Variants in ESR1 observed in about 807,000 individuals in gnomAD.
The protein encoded by ESR1 is estrogen receptor.
Under a neutral mutation model 52.7 loss-of-function variants are expected in ESR1, and 12 were observed. The ratio of observed to expected loss-of-function variants is 0.23; its 90% CI spans 0.15 to 0.37. ESR1 has a LOEUF of 0.37. Among genes scored for constraint, ESR1 ranks in the 10% least tolerant of loss-of-function variants. The pLI, the probability that ESR1 is intolerant of heterozygous loss-of-function variation, is 1.00. For missense variants in ESR1, 584 were observed against 779.7 expected (o/e 0.75, Z 2.99); for synonymous variants, 305 against 316.8 (o/e 0.96, Z 0.39).
intron 3 of ESR1, among the ~76,000 whole-genome samples, chr6:151,929,375 C>A (rs1255461909): frequency 6.6e-6 from 1 of 152,118 alleles, no homozygotes; most frequent in Non-Finnish European, 1.5e-5. Flanking sequence ...ATTAATATAG[C>A]CACTCCAGCT....
chr6:151,883,854 C>T (rs2128341852), intron 3 of ESR1, among the ~76,000 whole-genome samples: 1 of 152,262 alleles, frequency 6.6e-6, no homozygotes, highest in East Asian at 1.9e-4. Flanking sequence ...TTTCTCGGGG[C>T]ATCCACAGCT....
At chr6:151,874,507 T>C (rs1393449226) in intron 2 of ESR1, among the ~76,000 whole-genome samples, 2 of 152,188 alleles carry the variant, frequency 1.3e-5, no homozygotes, top group Non-Finnish European at 2.9e-5. Flanking sequence ...GAAAAATAAC[T>C]ACACCACATA....
chr6:151,986,098 G>T (rs945997927), intron 4 of ESR1, among the ~76,000 whole-genome samples: 1 of 152,030 alleles, frequency 6.6e-6, no homozygotes, highest in Non-Finnish European at 1.5e-5. Context: ...CTGGGTGAGC[G>T]GCTCAGTGCT....
downstream of ESR1, among the ~76,000 whole-genome samples, chr6:152,106,384 G>C (rs1014887101): frequency 1.3e-5 from 2 of 152,114 alleles, no homozygotes; most frequent in African/African-American, 4.8e-5. Context: ...TTGAGTTACT[G>C]TCTGGTGTCG....
At chr6:151,692,001 G>A (rs376864893) in intron 1 of ESR1, among the ~76,000 whole-genome samples, 3 of 152,130 alleles carry the variant, frequency 2.0e-5, no homozygotes, top group Non-Finnish European at 2.9e-5. Flanking sequence ...TAAAAGATAC[G>A]ACATGTAGGA....
intron 4 of ESR1, among the ~76,000 whole-genome samples, chr6:151,953,432 A>C (rs2036540547): frequency 6.6e-6 from 1 of 152,158 alleles, no homozygotes; most frequent in South Asian, 2.1e-4. Flanking sequence ...AATAGAAAAC[A>C]GTGAGGACCG....
At chr6:152,014,363 G>A (rs137903738) in intron 5 of ESR1, among the ~76,000 whole-genome samples, 309 of 152,100 alleles carry the variant, frequency 2.0e-3, no homozygotes, top group African/African-American at 7.2e-3. Flanking sequence ...CAATGTCTCC[G>A]GACATTTCTA....
intron 1 of ESR1, among the ~76,000 whole-genome samples, chr6:151,682,245 A>G (rs1463589056): frequency 6.6e-6 from 1 of 152,172 alleles, no homozygotes; most frequent in East Asian, 1.9e-4. Flanking sequence ...TATGAGAAAA[A>G]TAAATGGCAC....
intron 5 of ESR1, among the ~76,000 whole-genome samples, chr6:152,030,643 C>T (rs1235887580): frequency 1.3e-5 from 2 of 152,124 alleles, no homozygotes; most frequent in African/African-American, 4.8e-5. Flanking sequence ...TAAAGCAAGT[C>T]CTTAGTGACC....
chr6:151,849,994 A>ATATATAATTTTATATATATATAAAAAAT (rs1554268085), intron 2 of ESR1, among the ~76,000 whole-genome samples: 1 of 105,082 alleles, frequency 9.5e-6, no homozygotes, highest in Non-Finnish European at 1.9e-5. Flanking sequence ...ATATATATAT[A>ATATATAATTTTATATATATATAAAAAAT]TATATATATA....
intron 4 of ESR1, among the ~76,000 whole-genome samples, chr6:151,964,389 T>TCCTTGGTTGAATTTACC (rs1489121758): frequency 3.3e-5 from 5 of 152,198 alleles, no homozygotes; most frequent in Non-Finnish European, 5.9e-5. Context: ...GTGTTTCACC[T>TCCTTGGTTGAATTTACC]CCTTGGTTGA....
intron 4 of ESR1, among the ~76,000 whole-genome samples, chr6:151,961,261 A>G (rs1408172074): frequency 6.6e-6 from 1 of 152,194 alleles, no homozygotes; most frequent in Non-Finnish European, 1.5e-5. Flanking sequence ...GGAACCCGCA[A>G]AGGAGATTGA....
chr6:151,936,874 A>G (rs1383788722), intron 3 of ESR1, among the ~76,000 whole-genome samples: 1 of 152,202 alleles, frequency 6.6e-6, no homozygotes, highest in Non-Finnish European at 1.5e-5. Flanking sequence ...TGAATGGCAC[A>G]GGAAAGAAAA....
At chr6:152,020,633 T>C (rs2043562875) in intron 5 of ESR1, among the ~76,000 whole-genome samples, 1 of 152,026 alleles carries the variant, frequency 6.6e-6, no homozygotes, top group Non-Finnish European at 1.5e-5. Context: ...GCATTTTTAG[T>C]AGAGATGGGG....
At chr6:152,079,908 T>A (rs1360783137) in intron 6 of ESR1, among the ~76,000 whole-genome samples, 1 of 152,100 alleles carries the variant, frequency 6.6e-6, no homozygotes, top group African/African-American at 2.4e-5. Flanking sequence ...GAAGATCAAA[T>A]TAATGAAATA....
intron 3 of ESR1, among the ~76,000 whole-genome samples, chr6:151,883,408 G>A (rs1392131922): frequency 1.3e-5 from 2 of 151,782 alleles, no homozygotes; most frequent in Non-Finnish European, 2.9e-5. Context: ...GATTATAGGC[G>A]TGAGCCACCA....
At chr6:152,096,066 A>G (rs968489244) in intron 7 of ESR1, among the ~76,000 whole-genome samples, 4 of 152,222 alleles carry the variant, frequency 2.6e-5, no homozygotes, top group African/African-American at 9.7e-5. Flanking sequence ...CAGGGAAGAG[A>G]TGGGGAGACT....
chr6:151,777,112 TC>T (rs1786071188), intron 2 of ESR1, among the ~76,000 whole-genome samples: 2 of 145,104 alleles, frequency 1.4e-5, no homozygotes, highest in Admixed American at 6.8e-5. Context: ...TCTTTTCTTT[TC>T]TTTTCTTTTC....
At chr6:151,869,795 A>T (rs925894456) in intron 2 of ESR1, among the ~76,000 whole-genome samples, 64 of 152,320 alleles carry the variant, frequency 4.2e-4, no homozygotes, top group African/African-American at 1.5e-3. Context: ...AGATGCAAAT[A>T]ATATATTTTT....
Sources: gnomAD v4.1 joint callset for allele counts (sites outside exome capture counted in the v4.1 genomes callset) on GRCh38, gnomAD v4.1.1 for gene constraint, MANE v1.5 for transcripts, NCBI Gene and HGNC (gene_info 2026-07-23, HGNC 2026-07-21) for gene names.